Variants in MTR observed in about 807,000 individuals in gnomAD.
The protein encoded by MTR is methionine synthase.
Under a neutral mutation model 154.8 loss-of-function variants are expected in MTR, and 84 were observed. That is an observed-to-expected ratio of 0.54 (90% CI 0.45 to 0.65). The LOEUF (loss-of-function observed/expected upper bound fraction) is 0.65. MTR is among the 30% of genes least tolerant of loss of function. MTR has a pLI of 0.00. For missense variants in MTR, 1,275 were observed against 1,570.2 expected (o/e 0.81, Z 3.18); for synonymous variants, 554 against 553.9 (o/e 1.00, Z 0.00).
intron 28 of MTR, 46 bp downstream of exon 28, chr1:236,889,382 T>C (rs145423109): frequency 2.5e-6 from 4 of 1,611,946 alleles, no homozygotes; most frequent in Non-Finnish European, 3.4e-6. Flanking sequence ...ATTCAAGCTG[T>C]GGGATTGTGA....
intron 15 of MTR, among the ~76,000 whole-genome samples, chr1:236,847,498 TGGTCACA>T (rs1663651523): frequency 2.6e-5 from 4 of 152,258 alleles, no homozygotes; most frequent in African/African-American, 9.6e-5. Context: ...TTCTACTCAC[TGGTCACA>T]GTCTAGCTTC....
intron 4 of MTR, 67 bp from the exon 5 acceptor site, chr1:236,810,436 C>T (rs1381606263): frequency 3.2e-6 from 4 of 1,244,894 alleles, no homozygotes; most frequent in South Asian, 1.2e-5. Context: ...ATCTTATTGG[C>T]TATTCATTCA....
At chr1:236,820,587 TA>T (rs35453692) in intron 8 of MTR, 45,306 of 405,746 alleles carry the variant, frequency 0.11, 17 homozygotes, top group South Asian at 0.17. Context: ...GTCAGTTTCT[TA>T]AAAAAAAAAA....
At chr1:236,896,964 A>G (rs777667499) in intron 31 of MTR, 42 bp from the exon 32 acceptor site, 3 of 1,446,048 alleles carry the variant, frequency 2.1e-6, no homozygotes, top group Non-Finnish European at 2.9e-6. Context: ...CCTGTGCTAG[A>G]CACTGAGTCC....
At chr1:236,819,542 A>G (rs557557794) in intron 8 of MTR, 1 of 347,402 alleles carries the variant, frequency 2.9e-6, no homozygotes, top group African/African-American at 2.1e-5. Flanking sequence ...TAGCAATTAC[A>G]AATAAATCTC....
intron 15 of MTR, among the ~76,000 whole-genome samples, chr1:236,850,142 C>G (rs188511673): frequency 1.5e-3 from 230 of 152,144 alleles, no homozygotes; most frequent in African/African-American, 5.4e-3. Context: ...GATAAGTGAT[C>G]GGAAGCTGCT....
chr1:236,836,049 T>G (rs1337793880), intron 14 of MTR, among the ~76,000 whole-genome samples: 2 of 152,144 alleles, frequency 1.3e-5, no homozygotes, highest in Non-Finnish European at 2.9e-5. Context: ...TTCTTTCTTA[T>G]AACAGGAAGG....
At chr1:236,798,614 A>G (rs535632674) in intron 1 of MTR, among the ~76,000 whole-genome samples, 22 of 152,254 alleles carry the variant, frequency 1.4e-4, no homozygotes, top group Non-Finnish European at 2.1e-4. Context: ...GGTTATTTAC[A>G]TATATACATT....
At chr1:236,813,098 A>G (rs1322337660) in intron 6 of MTR, among the ~76,000 whole-genome samples, 1 of 152,222 alleles carries the variant, frequency 6.6e-6, no homozygotes, top group African/African-American at 2.4e-5. Flanking sequence ...ATAAATGCAT[A>G]TATCCTGAGG....
chr1:236,880,274 G>C (rs910845321), intron 24 of MTR, among the ~76,000 whole-genome samples: 5 of 152,360 alleles, frequency 3.3e-5, no homozygotes, highest in Admixed American at 3.3e-4. Flanking sequence ...GGTTGGGGCT[G>C]AGGAGTGTTG....
intron 8 of MTR, among the ~76,000 whole-genome samples, chr1:236,820,865 T>C (rs530513332): frequency 6.6e-6 from 1 of 152,348 alleles, no homozygotes; most frequent in South Asian, 2.1e-4. Flanking sequence ...TGTATAGTGG[T>C]ATCTTGTTGT....
intron 15 of MTR, among the ~76,000 whole-genome samples, chr1:236,839,333 A>G (rs1227435236): frequency 6.6e-6 from 1 of 152,192 alleles, no homozygotes; most frequent in East Asian, 1.9e-4. Context: ...TCAGAAAGCA[A>G]AACACCCCAG....
chr1:236,810,608 C>T lies in MTR; in HGVS notation c.502+13C>T, dbSNP rs201647375. 180 of 1,597,136 alleles carry T rather than the reference C, an allele frequency of 1.1e-4. No homozygotes were observed. Among genetic ancestry groups the T allele is most frequent in the Non-Finnish European group, 1.3e-4 (153 of 1,164,758 alleles). ...TATAGGAACATCAGTGAGTATTTAC[C>T]ACATATAATCATTGATCTTGGGGAA... On this transcript the variant is annotated intron_variant, in intron 5 of 32. Transcript: ENST00000366577.
rs966835493 is a variant in MTR at position 236,899,299 on chromosome 1, G to A, written c.*1655G>A. ...ATGTGATACCAAGTTTTATTGTCAA[G>A]ACAGTGTCATGGTGCAGAGGTAGGC... On this transcript the variant is annotated 3_prime_UTR_variant, in exon 33 of 33. Coordinates refer to ENST00000366577, the MANE Select transcript of MTR (RefSeq NM_000254.3). 1.3e-5 allele frequency: 2 copies of A among 152,126 alleles called. No individual in the cohort carries two copies. The highest frequency in any genetic ancestry group is 1.3e-4 in the Admixed American group (2 of 15,248). 9.4% of individuals were successfully genotyped at this position (152,126 alleles called of 1,614,324 possible). A position where few individuals can be genotyped will look rare whatever the true frequency, so the allele number is the denominator to read the frequency against.
At chr1:236,844,802 A>G (rs1663476733) in intron 15 of MTR, among the ~76,000 whole-genome samples, 1 of 152,208 alleles carries the variant, frequency 6.6e-6, no homozygotes. Context: ...AGGTCAACTC[A>G]GAGTGAGAAT....
At chr1:236,842,784 G>GTGTA (rs113857806) in intron 15 of MTR, among the ~76,000 whole-genome samples, 1 of 144,422 alleles carries the variant, frequency 6.9e-6, no homozygotes, top group African/African-American at 2.5e-5. Context: ...AAAAAAAGAT[G>GTGTA]TATATATATA....
intron 16 of MTR, among the ~76,000 whole-genome samples, chr1:236,851,943 C>G (rs1663928022): frequency 6.6e-6 from 1 of 152,036 alleles, no homozygotes; most frequent in African/African-American, 2.4e-5. Flanking sequence ...TCTGAGTATT[C>G]TTATATATGT....
chr1:236,809,199 A>ATTTACC, intron 4 of MTR, among the ~76,000 whole-genome samples: 1 of 152,216 alleles, frequency 6.6e-6, no homozygotes, highest in Non-Finnish European at 1.5e-5. Flanking sequence ...TGATTGGCTG[A>ATTTACC]TATAGGTAAA....
chr1:236,895,198 CCAA>C (rs1327698863), intron 30 of MTR, 157 bp from the exon 31 acceptor site: 12 of 844,672 alleles, frequency 1.4e-5, no homozygotes, highest in African/African-American at 5.0e-5. Context: ...AAAGTACAAA[CCAA>C]TCAAGAATCC....
Sources: gnomAD v4.1 joint callset for allele counts (sites outside exome capture counted in the v4.1 genomes callset) on GRCh38, gnomAD v4.1.1 for gene constraint, MANE v1.5 for transcripts, NCBI Gene and HGNC (gene_info 2026-07-23, HGNC 2026-07-21) for gene names.